TRMT11: variants seen among roughly 807,000 people sequenced by gnomAD.
TRMT11 encodes tRNA methyltransferase 11.
A neutral mutation model predicts 62.8 loss-of-function variants in TRMT11; 53 were observed. The observed-to-expected ratio is 0.84, with a 90% CI of 0.68 to 1.06. TRMT11 has a LOEUF of 1.06. Among genes scored for constraint, TRMT11 ranks in the 50% least tolerant of loss-of-function variants. The pLI is 0.00. For missense variants in TRMT11, 556 were observed against 553.4 expected, an observed-to-expected ratio of 1.00 and a Z score of -0.05; for synonymous variants, 188 against 190.3, an observed-to-expected ratio of 0.99 and a Z score of 0.10.
At chr6:126,171,533 T>A (rs370560049) in intron 21 of TRMT11, among the ~76,000 whole-genome samples, 37 of 152,290 alleles carry the variant, frequency 2.4e-4, no homozygotes, top group African/African-American at 8.9e-4. Context: ...GTAGCTGATT[T>A]AAGAAAACTT....
At chr6:126,173,651 C>A (rs1778354345), upstream of TRMT11, among the ~76,000 whole-genome samples, 2 of 152,156 alleles carry the variant, frequency 1.3e-5, no homozygotes. Context: ...GATTTTAAAT[C>A]CTACTCTAAA....
chr6:126,021,058 G>C (rs1795734786), intron 11 of TRMT11, 102 bp from the exon 12 acceptor site: 6 of 1,321,744 alleles, frequency 4.5e-6, no homozygotes, highest in Admixed American at 3.9e-5. Context: ...GGGAAAAAGA[G>C]CATGTAGTGG....
intron 17 of TRMT11, among the ~76,000 whole-genome samples, chr6:126,093,863 C>T (rs893132863): frequency 6.6e-6 from 1 of 151,398 alleles, no homozygotes; most frequent in African/African-American, 2.4e-5. Flanking sequence ...AAAATAAATT[C>T]CATTTCTAAA....
At chr6:126,180,434 A>G (rs1257734396) in intron 1 of TRMT11, among the ~76,000 whole-genome samples, 1 of 152,190 alleles carries the variant, frequency 6.6e-6, no homozygotes, top group Non-Finnish European at 1.5e-5. Context: ...ACGCAAGGAC[A>G]ATTTAGCAAG....
At chr6:126,065,795 G>T (rs1441121681) in intron 17 of TRMT11, among the ~76,000 whole-genome samples, 2 of 152,188 alleles carry the variant, frequency 1.3e-5, no homozygotes, top group Non-Finnish European at 2.9e-5. Context: ...TTGTTTCTCT[G>T]ATGTTGTCCT....
At chr6:126,192,248 A>G (rs973531661) in intron 1 of TRMT11, among the ~76,000 whole-genome samples, 2 of 152,078 alleles carry the variant, frequency 1.3e-5, no homozygotes, top group Admixed American at 1.3e-4. Context: ...CAGATTAATC[A>G]TAGTTAACAA....
intron 21 of TRMT11, among the ~76,000 whole-genome samples, chr6:126,152,047 CTT>C (rs1221786447): frequency 7.8e-6 from 1 of 128,262 alleles, no homozygotes; most frequent in Non-Finnish European, 1.6e-5. Flanking sequence ...CTCTCTCTCT[CTT>C]TTCTTTCTTT....
chr6:126,066,358 A>T (rs747073872), intron 17 of TRMT11, among the ~76,000 whole-genome samples: 2 of 152,214 alleles, frequency 1.3e-5, no homozygotes, highest in African/African-American at 2.4e-5. Context: ...ACAAATACCC[A>T]TTCCTTACCG....
At chr6:126,004,921 C>T (rs1034981082) in intron 7 of TRMT11, among the ~76,000 whole-genome samples, 27 of 151,996 alleles carry the variant, frequency 1.8e-4, no homozygotes, top group African/African-American at 5.3e-4. Context: ...ACATTATGAG[C>T]GGCAGAAACA....
chr6:126,045,544 G>A (rs1016755030), intron 16 of TRMT11, among the ~76,000 whole-genome samples: 3 of 152,166 alleles, frequency 2.0e-5, no homozygotes, highest in African/African-American at 7.2e-5. Context: ...ATGGGGCAGT[G>A]GTTGCAGGCC....
the TRMT11 span, among the ~76,000 whole-genome samples, chr6:126,233,680 T>A: frequency 6.6e-6 from 1 of 152,190 alleles, no homozygotes; most frequent in Non-Finnish European, 1.5e-5. Flanking sequence ...ACAATTCTTT[T>A]AGAGGTCTAC....
intron 1 of TRMT11, among the ~76,000 whole-genome samples, chr6:126,184,289 G>A (rs897621549): frequency 1.3e-5 from 2 of 152,100 alleles, no homozygotes; most frequent in Non-Finnish European, 2.9e-5. Flanking sequence ...AGTACTTGAA[G>A]GCAAGGAGGG....
At chr6:126,159,226 C>T (rs539190147) in intron 21 of TRMT11, among the ~76,000 whole-genome samples, 2 of 152,100 alleles carry the variant, frequency 1.3e-5, no homozygotes, top group African/African-American at 4.8e-5. Context: ...TGGTTTGTCC[C>T]CTCCAAACTT....
chr6:125,994,522 T>G (rs1791150688), intron 2 of TRMT11, among the ~76,000 whole-genome samples: 1 of 152,192 alleles, frequency 6.6e-6, no homozygotes, highest in African/African-American at 2.4e-5. Context: ...ATAAAAGTAA[T>G]ACTAAGATGA....
chr6:126,130,921 C>T (rs951679360), intron 21 of TRMT11, among the ~76,000 whole-genome samples: 2 of 152,072 alleles, frequency 1.3e-5, no homozygotes, highest in Admixed American at 6.6e-5. Context: ...TCTATGAATA[C>T]ATTTGAAAGA....
chr6:126,038,894 A>G lies in TRMT11; in HGVS notation c.*58A>G. ...GAATTTGATTTAAAAAGACATCTGG[A>G]TGTGAACTTTCATGTATGATCCAGA... On this transcript the variant is annotated 3_prime_UTR_variant, in exon 13 of 13. Coordinates refer to ENST00000334379, the MANE Select transcript of TRMT11 (RefSeq NM_001031712.3). 6.9e-7 allele frequency: 1 copy of G among 1,442,960 alleles called. No individual in the cohort carries two copies. Among genetic ancestry groups the G allele is most frequent in the African/African-American group, 1.4e-5 (1 of 69,358 alleles). The allele number at this position is 1,442,960 out of a possible 1,614,324, so 89.4% of individuals were successfully genotyped here.
At chr6:126,086,190 A>G (rs752773500) in intron 17 of TRMT11, among the ~76,000 whole-genome samples, 10 of 152,192 alleles carry the variant, frequency 6.6e-5, no homozygotes, top group Non-Finnish European at 1.5e-4. Flanking sequence ...TCTAGATAAA[A>G]GTGTGAATGA....
At chr6:126,217,633 G>T in the TRMT11 span, among the ~76,000 whole-genome samples, 1 of 152,188 alleles carries the variant, frequency 6.6e-6, no homozygotes, top group Non-Finnish European at 1.5e-5. Context: ...TGGAGCTGGG[G>T]GAGGGGTGAC....
the TRMT11 span, among the ~76,000 whole-genome samples, chr6:126,228,678 C>T: frequency 6.6e-6 from 1 of 152,164 alleles, no homozygotes; most frequent in East Asian, 1.9e-4. Flanking sequence ...GGGGCTGCTG[C>T]GAATTACACA....
Sources: gnomAD v4.1 joint callset for allele counts (sites outside exome capture counted in the v4.1 genomes callset) on GRCh38, gnomAD v4.1.1 for gene constraint, MANE v1.5 for transcripts, NCBI Gene and HGNC (gene_info 2026-07-23, HGNC 2026-07-21) for gene names.